The following DAZL variants were observed in gnomAD, a reference collection of about 807,000 sequenced individuals.
DAZL encodes deleted in azoospermia like.
In DAZL, 4 loss-of-function variants were observed where a neutral mutation model predicts 45.0. The ratio of observed to expected loss-of-function variants is 0.09; its 90% confidence interval spans 0.04 to 0.20. The LOEUF (loss-of-function observed/expected upper bound fraction) is 0.20. Ranked by LOEUF, DAZL falls within the 10% of genes least tolerant of loss-of-function variation. The pLI is 1.00. For synonymous variants in DAZL, 122 were observed against 112.4 expected (o/e 1.09, Z -0.54); for missense variants, 326 against 351.3 (o/e 0.93, Z 0.58).
chr3:16,588,935 TA>T lies in DAZL; in HGVS notation c.835-223del, dbSNP rs1016200173. Among the ~76,000 whole-genome samples, 90 of 150,966 alleles carry T rather than the reference TA, an allele frequency of 6.0e-4. 1 individual carries two copies. The highest frequency in any genetic ancestry group is 2.1e-3 in the African/African-American group (85 of 41,098). The stretch of plus-strand genomic sequence containing the variant: ...CAGTTTAGTTAAAAAAGAAATCAAT[TA>T]AAAAAAAAGAAATCCCATTAAACTC... On this transcript the variant is annotated intron_variant, in intron 10 of 10. Transcript: ENST00000399444.
chr3:16,604,728 C>A, intron 1 of DAZL: 1 of 1,357,536 alleles, frequency 7.4e-7, no homozygotes, highest in South Asian at 2.0e-5. Flanking sequence ...CCGCCGCCAT[C>A]TTGCGGAGCC....
chr3:16,604,811 T>G, intron 1 of DAZL: 1 of 1,154,168 alleles, frequency 8.7e-7, no homozygotes, highest in Non-Finnish European at 1.1e-6. Flanking sequence ...CGGAGGCGCG[T>G]GAGTGGGGGA....
rs748917645 is a variant in DAZL, at chr3:16,605,229, G to T, written c.-24C>A. The T allele has an allele frequency of 6.2e-7, 1 of 1,614,152 alleles. No homozygotes were observed. The highest frequency in any genetic ancestry group is 1.1e-5 in the South Asian group (1 of 91,090). ...ATGATGGCGGCAGGCAGCAGTTCCC[G>T]ACCGGCTCCAGGAGGAGCAGAGGCT... On this transcript the variant is annotated 5_prime_UTR_variant, in exon 1 of 11. Transcript: ENST00000399444.
At chr3:16,594,737 T>C (rs1298601989) in intron 7 of DAZL, among the ~76,000 whole-genome samples, 154 bp from the exon 8 acceptor site, 1 of 152,112 alleles carries the variant, frequency 6.6e-6, no homozygotes, top group Non-Finnish European at 1.5e-5. Context: ...TTTATGTTTC[T>C]AATCCCTGAT....
At chr3:16,592,347 C>G (rs543665640) in intron 9 of DAZL, among the ~76,000 whole-genome samples, 199 bp from the exon 10 acceptor site, 133 of 152,148 alleles carry the variant, frequency 8.7e-4, no homozygotes, top group African/African-American at 3.1e-3. Flanking sequence ...CCTGCCTCCT[C>G]CTGAGGTCAG....
chr3:16,598,242 A>G (rs1694630505), intron 2 of DAZL, 64 bp from the exon 3 acceptor site: 1 of 1,479,466 alleles, frequency 6.8e-7, no homozygotes, highest in African/African-American at 1.4e-5. Context: ...ATTTTACTAA[A>G]AGAAGGTTCG....
intron 4 of DAZL, 81 bp from the exon 5 acceptor site, chr3:16,597,132 T>C: frequency 2.8e-6 from 4 of 1,423,652 alleles, no homozygotes; most frequent in Non-Finnish European, 3.9e-6. Context: ...TAAAGTCTTC[T>C]AAAATTCCTA....
At chr3:16,605,173 C>G (rs1252796998) in intron 1 of DAZL, 30 bp downstream of exon 1, 2 of 1,614,146 alleles carry the variant, frequency 1.2e-6, no homozygotes, top group Admixed American at 1.7e-5. Context: ...CTCCGCCAGC[C>G]TTGCCCCTCG....
At chr3:16,603,947 A>T (rs889611734) in intron 1 of DAZL, among the ~76,000 whole-genome samples, 3 of 152,206 alleles carry the variant, frequency 2.0e-5, no homozygotes, top group Non-Finnish European at 4.4e-5. Context: ...GATTGTTTTC[A>T]AATGAGTAAA....
At chr3:16,589,508 C>T (rs1187423752) in intron 10 of DAZL, among the ~76,000 whole-genome samples, 1 of 152,106 alleles carries the variant, frequency 6.6e-6, no homozygotes, top group African/African-American at 2.4e-5. Context: ...TGTATCTTCA[C>T]AGGTCACGCA....
intron 1 of DAZL, chr3:16,604,839 C>T (rs892614631): frequency 1.4e-5 from 7 of 486,988 alleles, no homozygotes; most frequent in African/African-American, 7.6e-5. Flanking sequence ...GGAGTGGGGG[C>T]GGGGTGGGGC....
chr3:16,595,614 T>A (rs1694587954), intron 6 of DAZL, among the ~76,000 whole-genome samples: 1 of 152,014 alleles, frequency 6.6e-6, no homozygotes, highest in Non-Finnish European at 1.5e-5. Context: ...AAGTGACTAT[T>A]TCAACAGGCA....
In DAZL at chr3:16,588,682, C is replaced by T. The variant is rs1490649426; in HGVS notation, c.866G>A (p.Arg289Gln). The T allele has an allele frequency of 7.4e-6, 12 of 1,611,594 alleles. No individual in the cohort carries two copies. Among genetic ancestry groups the T allele is most frequent in the Middle Eastern group, 3.3e-4 (2 of 6,044 alleles). ...DKRVHHFRRS[R>Q]AMLKSV is the part of the protein sequence containing the mutation. ...GGATCAAACAGATTTAAGCATTGCC[C>T]GACTTCTTCTAAAGTGATGCACTCT... Residue 289 changes from arginine (R) to glutamine (Q), a missense_variant, in exon 11 of 11, where the codon CGG (arginine) becomes CAG (glutamine). Around this residue, in one of 3 missense-constraint regions of DAZL, gnomAD observed 227 missense variants for 216.6 expected, o/e 1.05. Coordinates refer to ENST00000399444, the MANE Select transcript of DAZL (RefSeq NM_001351.4).
intron 1 of DAZL, 43 bp from the exon 2 acceptor site, chr3:16,598,641 A>T (rs1694636694): frequency 3.2e-6 from 5 of 1,565,694 alleles, no homozygotes; most frequent in Non-Finnish European, 3.5e-6. Context: ...TACACAGGAA[A>T]AACCTATACA....
intron 10 of DAZL, 126 bp from the exon 11 acceptor site, chr3:16,588,839 GATT>G: frequency 1.3e-6 from 1 of 750,338 alleles, no homozygotes; most frequent in Non-Finnish European, 2.3e-6. Context: ...TGAGAAAAAA[GATT>G]ATTCTTTTTG....
chr3:16,594,932 T>C (rs1694575101), intron 7 of DAZL, among the ~76,000 whole-genome samples: 1 of 152,096 alleles, frequency 6.6e-6, no homozygotes, highest in African/African-American at 2.4e-5. Context: ...TCAGCTAAAA[T>C]AAAAATACAA....
At chr3:16,597,981 T>G in intron 3 of DAZL, 106 bp downstream of exon 3, 2 of 1,208,696 alleles carry the variant, frequency 1.7e-6, no homozygotes, top group Non-Finnish European at 2.3e-6. Flanking sequence ...TGAAAGAAAT[T>G]AACACAGCAA....
At chr3:16,593,427 C>T (rs1264664150) in intron 9 of DAZL, among the ~76,000 whole-genome samples, 1 of 152,138 alleles carries the variant, frequency 6.6e-6, no homozygotes, top group East Asian at 1.9e-4. Context: ...CCCATCTCAG[C>T]CCCAAAAAGT....
At position 16,597,053 on chromosome 3, in the gene DAZL, TGAAA is replaced by T. The variant is rs1468799542; in HGVS notation, c.295-6_295-3del. 6.2e-7 allele frequency: 1 copy of T among 1,611,318 alleles called. No homozygotes were observed. ...TTTACCATGGAAATTTATCTGTGAC[TGAAA>T]ATAAAACAGTAACAAAACTAGAATC... is the stretch of plus-strand genomic sequence containing the variant. On this transcript the variant is annotated splice_region_variant and splice_polypyrimidine_tract_variant and intron_variant, in intron 4 of 10. Coordinates refer to ENST00000399444, the MANE Select transcript of DAZL (RefSeq NM_001351.4).
Sources: allele counts gnomAD v4.1 joint callset (sites outside exome capture counted in the v4.1 genomes callset), GRCh38; gene constraint gnomAD v4.1.1; regional missense constraint gnomAD v4.1.1; transcripts MANE v1.5; gene names NCBI Gene and HGNC (gene_info 2026-07-23, HGNC 2026-07-21).